Variants in SLC71A2 observed in about 807,000 individuals in gnomAD.
SLC71A2 encodes solute carrier family 71 member 2, also known as hippocampus abundant transcript-like 1.
At chr9:94,374,816 C>T in the SLC71A2 span, 42 of 738,172 alleles carry the variant, frequency 5.7e-5, no homozygotes, top group Admixed American at 7.6e-4. Flanking sequence ...GGCATGGCCG[C>T]GGCATGAGCG....
At chr9:94,387,869 C>G in the SLC71A2 span, among the ~76,000 whole-genome samples, 2 of 152,144 alleles carry the variant, frequency 1.3e-5, no homozygotes, top group African/African-American at 2.4e-5. Flanking sequence ...TAAATTAGGT[C>G]AAGCCACGAG....
the SLC71A2 span, among the ~76,000 whole-genome samples, chr9:94,450,680 G>A: frequency 9.2e-5 from 14 of 151,798 alleles, no homozygotes; most frequent in African/African-American, 2.4e-4. Context: ...TAGTAGAGAC[G>A]GGGTGTCGCC....
the SLC71A2 span, among the ~76,000 whole-genome samples, chr9:94,384,053 C>T: frequency 1.3e-5 from 2 of 152,062 alleles, no homozygotes; most frequent in African/African-American, 4.8e-5. Context: ...TAAGTGTAGA[C>T]TTCAGTAGTG....
the SLC71A2 span, among the ~76,000 whole-genome samples, chr9:94,411,651 C>T: frequency 2.7e-5 from 4 of 150,680 alleles, no homozygotes; most frequent in Non-Finnish European, 5.9e-5. Context: ...AGTGCAATGG[C>T]GTGATCTTGG....
At chr9:94,455,172 TTTTTTTTTTGA>T in the SLC71A2 span, among the ~76,000 whole-genome samples, 191 of 100,288 alleles carry the variant, frequency 1.9e-3, 4 homozygotes, top group East Asian at 0.015. Flanking sequence ...TTTTTTTTTT[TTTTTTTTTTGA>T]GAGAGAGAGG....
At chr9:94,446,836 T>G in the SLC71A2 span, 1 of 1,597,564 alleles carries the variant, frequency 6.3e-7, no homozygotes, top group Non-Finnish European at 8.6e-7. Flanking sequence ...TTGAAGAAAG[T>G]TGGAAAAGAT....
At chr9:94,377,517 G>A in the SLC71A2 span, among the ~76,000 whole-genome samples, 1 of 138,540 alleles carries the variant, frequency 7.2e-6, no homozygotes, top group East Asian at 2.1e-4. Context: ...CAACAGATAT[G>A]TGCCACCATG....
At chr9:94,408,928 G>A in the SLC71A2 span, among the ~76,000 whole-genome samples, 1 of 150,426 alleles carries the variant, frequency 6.6e-6, no homozygotes, top group Non-Finnish European at 1.5e-5. Flanking sequence ...CTGGGTTCAA[G>A]CGATTCTCCT....
At chr9:94,452,215 A>G in the SLC71A2 span, among the ~76,000 whole-genome samples, 1 of 152,360 alleles carries the variant, frequency 6.6e-6, no homozygotes, top group South Asian at 2.1e-4. Flanking sequence ...AAAAGTAAGT[A>G]GAAATGAAAA....
chr9:94,407,220 T>C, the SLC71A2 span, among the ~76,000 whole-genome samples: 4 of 151,850 alleles, frequency 2.6e-5, no homozygotes, highest in Non-Finnish European at 5.9e-5. Context: ...ATTACATTGA[T>C]TGGTTTTCAT....
chr9:94,415,336 C>T, the SLC71A2 span: 7 of 970,166 alleles, frequency 7.2e-6, no homozygotes, highest in African/African-American at 6.5e-5. Flanking sequence ...TGTCTAGATA[C>T]GTGTTTGGGA....
chr9:94,425,252 C>T, the SLC71A2 span, among the ~76,000 whole-genome samples: 30 of 151,954 alleles, frequency 2.0e-4, no homozygotes, highest in African/African-American at 6.5e-4. Flanking sequence ...TGTGGTGAGC[C>T]GAGATCGTGC....
chr9:94,453,893 C>A, the SLC71A2 span: 3 of 1,117,662 alleles, frequency 2.7e-6, no homozygotes, highest in Non-Finnish European at 4.1e-6. Context: ...TCTTCACACA[C>A]AGAGCTTGTA....
the SLC71A2 span, among the ~76,000 whole-genome samples, chr9:94,444,177 C>T: frequency 6.6e-6 from 1 of 151,950 alleles, no homozygotes; most frequent in Non-Finnish European, 1.5e-5. Context: ...TGGAGTTTGC[C>T]CGATAAGCAT....
the SLC71A2 span, among the ~76,000 whole-genome samples, chr9:94,402,637 A>G: frequency 1.3e-5 from 2 of 152,132 alleles, no homozygotes. Context: ...CTTTCTTCCA[A>G]TCTGTGGCTT....
chr9:94,460,334 T>C, the SLC71A2 span: 1 of 152,666 alleles, frequency 6.6e-6, no homozygotes, highest in African/African-American at 2.4e-5. Flanking sequence ...TCCCATGTCT[T>C]CCATGTCCTG....
At chr9:94,379,199 G>A in the SLC71A2 span, among the ~76,000 whole-genome samples, 10 of 149,980 alleles carry the variant, frequency 6.7e-5, no homozygotes, top group African/African-American at 2.5e-4. Flanking sequence ...CGATTCTCCT[G>A]CCTCAGCCTC....
At chr9:94,449,754 T>A in the SLC71A2 span, among the ~76,000 whole-genome samples, 1 of 152,216 alleles carries the variant, frequency 6.6e-6, no homozygotes, top group Non-Finnish European at 1.5e-5. Context: ...AAAACACACT[T>A]CTAACACAGA....
the SLC71A2 span, chr9:94,429,364 G>A: frequency 2.9e-5 from 42 of 1,460,850 alleles, no homozygotes; most frequent in Non-Finnish European, 3.7e-5. Flanking sequence ...TGTTCTGGAG[G>A]CTGAAATCTA....
Sources: allele counts gnomAD v4.1 joint callset (sites outside exome capture counted in the v4.1 genomes callset), GRCh38; gene constraint gnomAD v4.1.1; transcripts MANE v1.5; gene names NCBI Gene and HGNC (gene_info 2026-07-23, HGNC 2026-07-21).